PDE11A: variants seen among roughly 807,000 people sequenced by gnomAD.
PDE11A encodes the protein dual 3',5'-cyclic-AMP and -GMP phosphodiesterase 11A.
In PDE11A, 100 loss-of-function variants were observed where a neutral mutation model predicts 100.5. The observed-to-expected ratio is 1.00, with a 90% CI of 0.85 to 1.18. PDE11A has a LOEUF of 1.18. Ranked by LOEUF, PDE11A falls within the 50% of genes most tolerant of loss-of-function variation. The pLI is 0.00. For missense variants in PDE11A, 1,141 were observed against 1,152.6 expected (o/e 0.99, Z 0.15); for synonymous variants, 381 against 420.8 (o/e 0.91, Z 1.16).
At position 178,013,226 on chromosome 2, in the gene PDE11A, A is replaced by G. The variant is rs568179699; in HGVS notation, c.1071+1076T>C. The stretch of plus-strand genomic sequence containing the variant: ...TCCTGCCTTGTGTAGCTCCTGGATG[A>G]CATAACATGATTGGGATTTATCTTT... On this transcript the variant is annotated intron_variant, in intron 2 of 19. Coordinates refer to ENST00000286063, the MANE Select transcript of PDE11A (RefSeq NM_016953.4). Among the ~76,000 whole-genome samples the G allele has an allele frequency of 1.2e-4, 19 of 152,298 alleles. No individual in the cohort carries two copies. The East Asian group carries it at 3.7e-3, about 29-fold the overall frequency.
At chr2:177,979,168 G>A (rs1482877195) in intron 2 of PDE11A, among the ~76,000 whole-genome samples, 1 of 149,392 alleles carries the variant, frequency 6.7e-6, no homozygotes, top group African/African-American at 2.4e-5. Flanking sequence ...CCCTTTGGAT[G>A]TGTCTATGGT....
At chr2:177,761,056 G>C (rs1319216112) in intron 10 of PDE11A, among the ~76,000 whole-genome samples, 4 of 152,190 alleles carry the variant, frequency 2.6e-5, no homozygotes, top group Non-Finnish European at 4.4e-5. Flanking sequence ...TTAGTCAGCA[G>C]GGTGGTGGTA....
chr2:177,771,970 A>G (rs6735387), intron 9 of PDE11A, among the ~76,000 whole-genome samples: 1 of 151,718 alleles, frequency 6.6e-6, no homozygotes, highest in Non-Finnish European at 1.5e-5. Context: ...CCATTGCACT[A>G]CAGTCTGGGT....
At chr2:177,874,960 G>A (rs1043506279) in intron 5 of PDE11A, among the ~76,000 whole-genome samples, 5 of 152,072 alleles carry the variant, frequency 3.3e-5, no homozygotes, top group Admixed American at 1.3e-4. Flanking sequence ...ACAGTGGTTC[G>A]CACCTGTAAT....
At chr2:177,668,353 T>C (rs750540941) in intron 18 of PDE11A, among the ~76,000 whole-genome samples, 2 of 152,180 alleles carry the variant, frequency 1.3e-5, no homozygotes, top group Non-Finnish European at 2.9e-5. Flanking sequence ...TATGACAGAA[T>C]TTGGGTCATA....
At chr2:177,952,149 C>A (rs1161102369) in intron 2 of PDE11A, among the ~76,000 whole-genome samples, 1 of 152,204 alleles carries the variant, frequency 6.6e-6, no homozygotes, top group African/African-American at 2.4e-5. Context: ...AAAGTAGACT[C>A]TTTTATGACT....
chr2:177,772,562 T>C (rs932597876), intron 9 of PDE11A, among the ~76,000 whole-genome samples: 2 of 152,210 alleles, frequency 1.3e-5, no homozygotes, highest in Non-Finnish European at 2.9e-5. Context: ...TAGAATTTCT[T>C]ACTGTTTTCA....
In PDE11A at chr2:178,033,171, C is replaced by G. The variant is rs532090418; in HGVS notation, c.913-18711G>C. On this transcript the variant is annotated intron_variant, in intron 1 of 19. Transcript: ENST00000286063. ...CCTTGATAAAAGGTTACAGGAACTG[C>G]TAACTAGAATAACCAGTTTAGAGAG... 3.2e-4 allele frequency among the ~76,000 whole-genome samples: 49 copies of G among 152,222 alleles called. No homozygotes were observed. In the South Asian group the frequency reaches 8.3e-3, roughly 26 times the overall value.
At chr2:177,851,431 T>C (rs538239934) in intron 5 of PDE11A, among the ~76,000 whole-genome samples, 1 of 152,118 alleles carries the variant, frequency 6.6e-6, no homozygotes, top group East Asian at 1.9e-4. Flanking sequence ...ATATACCTAA[T>C]GCTAAATTAC....
intron 2 of PDE11A, among the ~76,000 whole-genome samples, chr2:178,081,619 A>G (rs1219574073): frequency 6.6e-6 from 1 of 152,090 alleles, no homozygotes; most frequent in Non-Finnish European, 1.5e-5. Flanking sequence ...TTCCCCTACT[A>G]AATGAGCTTA....
At chr2:177,820,975 C>T (rs568018894) in intron 6 of PDE11A, among the ~76,000 whole-genome samples, 72 of 151,872 alleles carry the variant, frequency 4.7e-4, no homozygotes, top group Admixed American at 2.3e-3. Flanking sequence ...AGAGAAACCA[C>T]TAAGAGTGAA....
intron 12 of PDE11A, among the ~76,000 whole-genome samples, chr2:177,716,351 G>A (rs1185511791): frequency 3.9e-5 from 6 of 152,072 alleles, no homozygotes; most frequent in Non-Finnish European, 5.9e-5. Context: ...GTCTCGTTAG[G>A]TGCTGGGGGT....
chr2:177,962,826 A>T (rs960246011), intron 2 of PDE11A, among the ~76,000 whole-genome samples: 10 of 134,582 alleles, frequency 7.4e-5, no homozygotes, highest in African/African-American at 3.2e-4. Flanking sequence ...ACTCAGGGGG[A>T]GATAATAAAA....
intron 2 of PDE11A, among the ~76,000 whole-genome samples, chr2:177,911,920 A>C (rs2084886818): frequency 6.6e-6 from 1 of 152,146 alleles, no homozygotes; most frequent in Admixed American, 6.5e-5. Context: ...TAGATGATTC[A>C]ATTACATGTC....
At chr2:177,821,324 A>G (rs2083134572) in intron 6 of PDE11A, among the ~76,000 whole-genome samples, 1 of 151,730 alleles carries the variant, frequency 6.6e-6, no homozygotes, top group Admixed American at 6.6e-5. Flanking sequence ...AAGGCCCCAA[A>G]ATTGTAAGTA....
intron 5 of PDE11A, among the ~76,000 whole-genome samples, chr2:177,848,630 T>A (rs899800820): frequency 2.6e-5 from 4 of 152,142 alleles, no homozygotes; most frequent in Non-Finnish European, 5.9e-5. Context: ...ATATTGACTG[T>A]GGAGGGATAA....
chr2:178,073,922 T>TA (rs1287865705), upstream of PDE11A, among the ~76,000 whole-genome samples: 18 of 152,110 alleles, frequency 1.2e-4, no homozygotes, highest in Non-Finnish European at 1.5e-4. Context: ...TTTTTTTTTT[T>TA]AATGGACTGC....
chr2:177,891,392 A>T (rs2084526720), intron 4 of PDE11A, among the ~76,000 whole-genome samples: 1 of 152,206 alleles, frequency 6.6e-6, no homozygotes, highest in Non-Finnish European at 1.5e-5. Flanking sequence ...TCTAATGCCC[A>T]TACTCACACT....
At chr2:177,633,673 T>C (rs2079990638) in intron 19 of PDE11A, among the ~76,000 whole-genome samples, 2 of 152,244 alleles carry the variant, frequency 1.3e-5, no homozygotes, top group East Asian at 3.8e-4. Flanking sequence ...AGGTGCTTGT[T>C]TTCCACTCAA....
Sources: allele counts gnomAD v4.1 joint callset (sites outside exome capture counted in the v4.1 genomes callset), GRCh38; gene constraint gnomAD v4.1.1; transcripts MANE v1.5; gene names NCBI Gene and HGNC (gene_info 2026-07-23, HGNC 2026-07-21).